The following PDE5A variants were observed in gnomAD, a reference collection of about 807,000 sequenced individuals.
PDE5A encodes cGMP-specific 3',5'-cyclic phosphodiesterase.
A neutral mutation model predicts 110.2 loss-of-function variants in PDE5A; 67 were observed. The observed-to-expected ratio is 0.61, with a 90% CI of 0.50 to 0.75. PDE5A has a LOEUF of 0.75. Ranked by LOEUF, PDE5A falls within the 30% of genes least tolerant of loss-of-function variation. The pLI, the probability that PDE5A is intolerant of heterozygous loss-of-function variation, is 0.00. For synonymous variants in PDE5A, 328 were observed against 351.2 expected (o/e 0.93, Z 0.74); for missense variants, 862 against 1,045.1 (o/e 0.82, Z 2.42).
chr4:119,613,913 A>G (rs2110556857), intron 1 of PDE5A, among the ~76,000 whole-genome samples: 1 of 152,172 alleles, frequency 6.6e-6, no homozygotes, highest in Middle Eastern at 3.4e-3. Context: ...TCCAGGTACT[A>G]TACCCTATTA....
At chr4:119,589,733 A>C (rs752753844) in intron 3 of PDE5A, among the ~76,000 whole-genome samples, 6 of 152,158 alleles carry the variant, frequency 3.9e-5, no homozygotes, top group Non-Finnish European at 7.3e-5. Context: ...ATTTTCTTAT[A>C]AATTCCTCTT....
At chr4:119,601,672 C>T (rs1175278678) in intron 2 of PDE5A, among the ~76,000 whole-genome samples, 1 of 152,088 alleles carries the variant, frequency 6.6e-6, no homozygotes, top group Non-Finnish European at 1.5e-5. Context: ...TTGCAGCTGA[C>T]GTCTGAAGTC....
At chr4:119,501,399 C>T (rs1725327543) in intron 19 of PDE5A, 146 bp from the exon 20 acceptor site, 2 of 596,502 alleles carry the variant, frequency 3.4e-6, no homozygotes, top group Non-Finnish European at 3.0e-6. Context: ...CAACCTCCAC[C>T]TCCCAAGTTT....
At chr4:119,621,727 C>G (rs1377611782) in intron 1 of PDE5A, among the ~76,000 whole-genome samples, 1 of 152,178 alleles carries the variant, frequency 6.6e-6, no homozygotes, top group Non-Finnish European at 1.5e-5. Context: ...AAATTCACAG[C>G]TAACCCAATC....
chr4:119,588,080 T>G (rs1728828673), intron 3 of PDE5A, among the ~76,000 whole-genome samples: 2 of 152,224 alleles, frequency 1.3e-5, no homozygotes, highest in Non-Finnish European at 2.9e-5. Flanking sequence ...CGAACTTGTG[T>G]GTTGAATATT....
At chr4:119,544,723 G>T (rs1177661428) in intron 9 of PDE5A, among the ~76,000 whole-genome samples, 2 of 152,118 alleles carry the variant, frequency 1.3e-5, no homozygotes, top group African/African-American at 4.8e-5. Flanking sequence ...CAACACAGAG[G>T]GGTTGAGATG....
chr4:119,609,855 A>G (rs1729682200), intron 1 of PDE5A, among the ~76,000 whole-genome samples: 1 of 152,244 alleles, frequency 6.6e-6, no homozygotes, highest in South Asian at 2.1e-4. Flanking sequence ...CAATGTATAC[A>G]TACATCAAAG....
At chr4:119,576,666 T>C (rs1293052210) in intron 3 of PDE5A, among the ~76,000 whole-genome samples, 1 of 151,778 alleles carries the variant, frequency 6.6e-6, no homozygotes, top group Non-Finnish European at 1.5e-5. Context: ...CATACCAGAA[T>C]CTCTGGGACA....
At chr4:119,621,913 G>A (rs979743229) in intron 1 of PDE5A, among the ~76,000 whole-genome samples, 2 of 152,198 alleles carry the variant, frequency 1.3e-5, no homozygotes, top group African/African-American at 4.8e-5. Flanking sequence ...GCTCACGCCT[G>A]TAATCCCAGC....
intron 11 of PDE5A, among the ~76,000 whole-genome samples, chr4:119,531,835 C>A (rs992346459): frequency 4.6e-5 from 7 of 152,024 alleles, no homozygotes; most frequent in Non-Finnish European, 1.0e-4. Flanking sequence ...AACTGAAGCA[C>A]AAATAAGTCA....
chr4:119,530,252 C>T (rs1322256701), intron 11 of PDE5A, among the ~76,000 whole-genome samples: 2 of 152,192 alleles, frequency 1.3e-5, no homozygotes, highest in African/African-American at 4.8e-5. Flanking sequence ...AAATGAAGGG[C>T]TCTGGGCTTT....
intron 7 of PDE5A, among the ~76,000 whole-genome samples, chr4:119,559,482 C>T (rs1727667014): frequency 6.6e-6 from 1 of 151,986 alleles, no homozygotes; most frequent in Admixed American, 6.6e-5. Flanking sequence ...ACAGAGATGC[C>T]TATATTTCTA....
rs1230170216 is a variant in PDE5A at position 119,504,415 on chromosome 4, A to C, written c.2331+121T>G. 4.3e-6 allele frequency: 3 copies of C among 696,816 alleles called. No homozygotes were observed. In the African/African-American group the frequency reaches 5.4e-5, roughly 13 times the overall value. The allele number at this position is 696,816 out of a possible 1,614,324, so 43.2% of individuals were successfully genotyped here. ...TATAATAAATGGTGCTGTGATGAAC[A>C]TATAAGTGTCTTTTTTATATAGTCA... On this transcript the variant is annotated intron_variant, in intron 18 of 20. Coordinates refer to ENST00000354960, the MANE Select transcript of PDE5A (RefSeq NM_001083.4).
intron 3 of PDE5A, among the ~76,000 whole-genome samples, chr4:119,580,356 C>T (rs1451948379): frequency 2.0e-5 from 3 of 152,178 alleles, no homozygotes; most frequent in African/African-American, 4.8e-5. Flanking sequence ...GACAGAACAG[C>T]GCATAGCCAT....
At chr4:119,570,926 G>A (rs1220281514) in intron 3 of PDE5A, among the ~76,000 whole-genome samples, 2 of 152,122 alleles carry the variant, frequency 1.3e-5, no homozygotes, top group Non-Finnish European at 2.9e-5. Context: ...ATTTTCCCTA[G>A]TGCTCTTTTC....
chr4:119,588,369 G>T (rs1002559457), intron 3 of PDE5A, among the ~76,000 whole-genome samples: 6 of 151,658 alleles, frequency 4.0e-5, no homozygotes, highest in Admixed American at 3.9e-4. Flanking sequence ...GTAGAGACAG[G>T]TTTCACCATG....
At chr4:119,571,518 T>C (rs770509906) in intron 3 of PDE5A, among the ~76,000 whole-genome samples, 1 of 152,096 alleles carries the variant, frequency 6.6e-6, no homozygotes, top group Non-Finnish European at 1.5e-5. Flanking sequence ...CTATGGAGGC[T>C]AGAAGGGCCA....
chr4:119,586,007 G>A (rs79647663), intron 3 of PDE5A, among the ~76,000 whole-genome samples: 3,404 of 152,236 alleles, frequency 0.022, 62 homozygotes, highest in Middle Eastern at 0.058. Flanking sequence ...CATCCTGACC[G>A]CGTGAGATAC....
chr4:119,628,793 C>T lies in PDE5A; in HGVS notation c.-122G>A. ...CCCCCTTCGTCCTGCTCCAGTCGGG[C>T]CGGCTTTCGACAAAGCGGCCGGAGC... On this transcript the variant is annotated 5_prime_UTR_variant, in exon 1 of 21. Coordinates refer to ENST00000354960, the MANE Select transcript of PDE5A (RefSeq NM_001083.4). The T allele has an allele frequency of 2.1e-6, 3 of 1,451,828 alleles. No homozygotes were observed. The highest frequency in any genetic ancestry group is 2.8e-6 in the Non-Finnish European group (3 of 1,069,920). The allele number at this position is 1,451,828 out of a possible 1,614,324, so 89.9% of individuals were successfully genotyped here. A position where few individuals can be genotyped will look rare whatever the true frequency, so the allele number is the denominator to read the frequency against.
Sources: allele counts gnomAD v4.1 joint callset (sites outside exome capture counted in the v4.1 genomes callset), GRCh38; gene constraint gnomAD v4.1.1; transcripts MANE v1.5; gene names NCBI Gene and HGNC (gene_info 2026-07-23, HGNC 2026-07-21).